Variants in ADH1C observed in about 807,000 individuals in gnomAD.
ADH1C encodes alcohol dehydrogenase 1C (class I), gamma polypeptide.
Under a neutral mutation model 35.0 loss-of-function variants are expected in ADH1C, and 26 were observed. The ratio of observed to expected loss-of-function variants is 0.74; its 90% CI spans 0.54 to 1.03. ADH1C has a LOEUF of 1.03. Among genes scored for constraint, ADH1C ranks in the 50% least tolerant of loss-of-function variants. ADH1C has a pLI of 0.00. For missense variants in ADH1C, 413 were observed against 465.4 expected (o/e 0.89, Z 1.04); for synonymous variants, 170 against 169.3 (o/e 1.00, Z -0.03).
chr4:99,339,014 C>T (rs1789902), intron 8 of ADH1C, among the ~76,000 whole-genome samples: 47,415 of 151,606 alleles, frequency 0.31, 8,829 homozygotes, highest in Non-Finnish European at 0.41. Context: ...GGTTTAGTAC[C>T]CTTCTCTTTT....
At chr4:99,336,910 T>C (rs1465806552) in intron 8 of ADH1C, 134 bp from the exon 9 acceptor site, 3 of 1,253,494 alleles carry the variant, frequency 2.4e-6, no homozygotes, top group East Asian at 2.5e-5. Flanking sequence ...CCCATCCCTA[T>C]GCATTTGGGT....
intron 5 of ADH1C, among the ~76,000 whole-genome samples, chr4:99,344,573 TACA>T (rs1055247405): frequency 8.5e-5 from 13 of 152,306 alleles, no homozygotes; most frequent in Admixed American, 7.2e-4. Context: ...TTGATTGAAT[TACA>T]ACATGAATTA....
chr4:99,341,765 T>C (rs1210811937), intron 6 of ADH1C, among the ~76,000 whole-genome samples: 8 of 152,208 alleles, frequency 5.3e-5, no homozygotes, highest in Admixed American at 1.3e-4. Flanking sequence ...CCGTTGCCTT[T>C]GATATTTGTA....
chr4:99,349,408 T>A (rs1265572007), intron 1 of ADH1C, among the ~76,000 whole-genome samples: 1 of 152,168 alleles, frequency 6.6e-6, no homozygotes, highest in East Asian at 1.9e-4. Context: ...AGATGTTTAA[T>A]CCTGATATTT....
intron 6 of ADH1C, among the ~76,000 whole-genome samples, chr4:99,341,660 A>T (rs1157411303): frequency 6.6e-6 from 1 of 152,152 alleles, no homozygotes; most frequent in African/African-American, 2.4e-5. Flanking sequence ...ACCTTCTAGA[A>T]AACCTCAGCA....
intron 8 of ADH1C, among the ~76,000 whole-genome samples, chr4:99,338,442 T>TATATATATAC (rs1734334600): frequency 1.7e-5 from 1 of 58,766 alleles, no homozygotes; most frequent in African/African-American, 7.3e-5. Flanking sequence ...TATATATATA[T>TATATATATAC]ATACACACTC....
chr4:99,337,783 A>T (rs1734311967), intron 8 of ADH1C, among the ~76,000 whole-genome samples: 1 of 152,022 alleles, frequency 6.6e-6, no homozygotes, highest in South Asian at 2.1e-4. Flanking sequence ...CCTTTTTGAA[A>T]ATTTGGGATC....
At chr4:99,339,317 ATGACTC>A (rs1299822889) in intron 8 of ADH1C, among the ~76,000 whole-genome samples, 2 of 152,118 alleles carry the variant, frequency 1.3e-5, no homozygotes, top group Non-Finnish European at 2.9e-5. Context: ...AGAAGGCTGA[ATGACTC>A]TGATCATTCA....
Position 99,346,999 on chromosome 4 carries a change from C to T in ADH1C, c.259+7G>A, listed in dbSNP as rs1734546064. ...CAAGGCATGTTCCCTGAGTGTGAAT[C>T]CTGTACCTGGTTTGACTGTAGTCAC... On this transcript the variant is annotated splice_region_variant and intron_variant, in intron 3 of 8. Transcript: ENST00000515683. 6.2e-7 allele frequency: 1 copy of T among 1,612,952 alleles called. No homozygotes were observed. The highest frequency in any genetic ancestry group is 1.1e-5 in the South Asian group (1 of 90,922).
At chr4:99,342,497 A>G (rs1328255429) in intron 6 of ADH1C, among the ~76,000 whole-genome samples, 4 of 152,214 alleles carry the variant, frequency 2.6e-5, no homozygotes, top group African/African-American at 9.6e-5. Flanking sequence ...TTATTTATAT[A>G]TATTTAAGTT....
chr4:99,339,133 T>A (rs1490180617), intron 8 of ADH1C, among the ~76,000 whole-genome samples: 1 of 152,182 alleles, frequency 6.6e-6, no homozygotes, highest in Non-Finnish European at 1.5e-5. Context: ...TAGTTCCACC[T>A]ACTCCCATAA....
In ADH1C at chr4:99,347,243, C is replaced by A; in HGVS notation, c.121-99G>T. ...TCTAAAATTGTTATTCAAAAATATT[C>A]TCAAGGGTTTTGCTGATAATCCCTA... On this transcript the variant is annotated intron_variant, in intron 2 of 8. Coordinates refer to ENST00000515683, the MANE Select transcript of ADH1C (RefSeq NM_000669.5). 42 of 1,447,632 alleles carry A rather than the reference C, an allele frequency of 2.9e-5. 2 individuals carry two copies. In the South Asian group the frequency reaches 5.7e-4, roughly 20 times the overall value. 89.7% of individuals were successfully genotyped at this position (1,447,632 alleles called of 1,614,324 possible).
chr4:99,351,844 TA>T (rs1266726779), intron 1 of ADH1C, among the ~76,000 whole-genome samples: 2 of 152,356 alleles, frequency 1.3e-5, no homozygotes, highest in Non-Finnish European at 2.9e-5. Context: ...ATCAATTGAT[TA>T]TATTGAATGA....
chr4:99,339,531 C>T, intron 8 of ADH1C, 46 bp downstream of exon 8: 3 of 1,205,810 alleles, frequency 2.5e-6, no homozygotes, highest in Non-Finnish European at 2.2e-6. Flanking sequence ...CCCCCCGCCG[C>T]TACTGTAGAA....
chr4:99,351,312 C>A (rs1734673778), intron 1 of ADH1C, among the ~76,000 whole-genome samples: 1 of 152,182 alleles, frequency 6.6e-6, no homozygotes, highest in Non-Finnish European at 1.5e-5. Flanking sequence ...TGAATTCTCA[C>A]AACTACCTTA....
chr4:99,336,948 T>C (rs1029366567), intron 8 of ADH1C, among the ~76,000 whole-genome samples, 172 bp from the exon 9 acceptor site: 8 of 152,140 alleles, frequency 5.3e-5, no homozygotes, highest in African/African-American at 1.9e-4. Flanking sequence ...AGTTCATGTT[T>C]TTTGGTTTTC....
chr4:99,339,221 A>C (rs1662059), intron 8 of ADH1C, among the ~76,000 whole-genome samples: 47,449 of 152,014 alleles, frequency 0.31, 8,844 homozygotes, highest in Non-Finnish European at 0.41. Flanking sequence ...TGACAGGCAG[A>C]GGTGTCAGTG....
At position 99,342,991 on chromosome 4, in the gene ADH1C, C is replaced by A; in HGVS notation, c.632G>T (p.Gly211Val). Residue 211 changes from glycine to valine, a missense_variant, in exon 6 of 9, where the codon GGC becomes GTC. Physicochemically the swap from Gly to Val is moderately radical, Grantham distance 109. Transcript: ENST00000515683. ...LGGVGLSVVM[G>V]CKAAGAARII... Reference sequence around the variant, plus strand: ...TCTGGCTGCTCCAGCTGCTTTACAGCCCATAACAACAGATAGGCCGACCCC... The same window carrying A: ...TCTGGCTGCTCCAGCTGCTTTACAGACCATAACAACAGATAGGCCGACCCC... 5.0e-6 allele frequency: 8 copies of A among 1,614,178 alleles called. No individual in the cohort carries two copies. Among genetic ancestry groups the A allele is most frequent in the Non-Finnish European group, 6.8e-6 (8 of 1,180,038 alleles).
Position 99,343,051 on chromosome 4 carries a change from G to T in ADH1C, c.572C>A (p.Thr191Asn), listed in dbSNP as rs779008943. Residue 191 changes from threonine (T) to asparagine (N), a missense_variant, in exon 6 of 9, where the codon ACC becomes AAC. By Grantham distance (65) the Thr-to-Asn change is moderately conservative. Transcript: ENST00000515683. Reference sequence around the variant, plus strand: ...AAACACAGCACAGGTAGACCCTGGGGTGACCTATGTTTTCAGAAAATGCAA... The same window carrying T: ...AAACACAGCACAGGTAGACCCTGGGTTGACCTATGTTTTCAGAAAATGCAA... ...YGSAVKVAKV[T>N]PGSTCAVFGL... The T allele has an allele frequency of 3.1e-6, 5 of 1,608,648 alleles. No individual in the cohort carries two copies. The highest frequency in any genetic ancestry group is 4.2e-6 in the Non-Finnish European group (5 of 1,178,076).
Sources: allele counts gnomAD v4.1 joint callset (sites outside exome capture counted in the v4.1 genomes callset), GRCh38; gene constraint gnomAD v4.1.1; transcripts MANE v1.5; gene names NCBI Gene and HGNC (gene_info 2026-07-23, HGNC 2026-07-21).